EPHA5: variants seen among roughly 807,000 people sequenced by gnomAD.
The protein encoded by EPHA5 is EPH receptor A5, also known as ephrin type-A receptor 5.
In EPHA5, 60 loss-of-function variants were observed where a neutral mutation model predicts 105.0. The observed-to-expected ratio is 0.57, with a 90% CI of 0.46 to 0.71. The LOEUF is 0.71. EPHA5 is among the 30% of genes least tolerant of loss of function. EPHA5 has a pLI of 0.00. For missense variants in EPHA5, 1,218 were observed against 1,274.7 expected (o/e 0.96, Z 0.68); for synonymous variants, 513 against 449.1 (o/e 1.14, Z -1.80).
chr4:65,561,984 C>G (rs1207172016), intron 3 of EPHA5, among the ~76,000 whole-genome samples: 1 of 152,066 alleles, frequency 6.6e-6, no homozygotes, highest in Admixed American at 6.6e-5. Flanking sequence ...ATATTTGGAA[C>G]TAACCTGATA....
intron 3 of EPHA5, among the ~76,000 whole-genome samples, chr4:65,600,539 C>T (rs1042892561): frequency 5.9e-5 from 9 of 152,056 alleles, no homozygotes; most frequent in African/African-American, 2.2e-4. Context: ...AGTTTTGTTT[C>T]CCTGGATCGA....
chr4:65,338,756 C>T (rs1005005694), intron 14 of EPHA5, among the ~76,000 whole-genome samples: 9 of 151,598 alleles, frequency 5.9e-5, no homozygotes, highest in Non-Finnish European at 1.2e-4. Context: ...TAGAAGTTTC[C>T]TTTTTTTTCC....
chr4:65,570,264 G>C (rs1396246720), intron 3 of EPHA5, among the ~76,000 whole-genome samples: 2 of 151,832 alleles, frequency 1.3e-5, no homozygotes, highest in African/African-American at 2.4e-5. Flanking sequence ...TTATAATCCA[G>C]AAAGCTTTAA....
intron 5 of EPHA5, among the ~76,000 whole-genome samples, chr4:65,442,340 T>G (rs1204270146): frequency 6.6e-6 from 1 of 152,138 alleles, no homozygotes; most frequent in Non-Finnish European, 1.5e-5. Flanking sequence ...CATGTGAAAT[T>G]ATAGCAGAAG....
intron 8 of EPHA5, among the ~76,000 whole-genome samples, chr4:65,396,498 T>G (rs1054930082): frequency 1.3e-5 from 2 of 152,150 alleles, no homozygotes; most frequent in African/African-American, 4.8e-5. Flanking sequence ...TCATATAGTT[T>G]CAGAGAAGGG....
rs568793570 is a variant in EPHA5 at position 65,413,111 on chromosome 4, T to A, written c.1687+1173A>T. On this transcript the variant is annotated intron_variant, in intron 7 of 16. Coordinates refer to ENST00000613740, the MANE Select transcript of EPHA5 (RefSeq NM_001281766.3). ...AGTTTCAAGGTGCAGGATTAAACAA[T>A]CCATTACTAATATTACGAGAATTTT... 3.3e-5 allele frequency among the ~76,000 whole-genome samples: 5 copies of A among 152,214 alleles called. No individual in the cohort carries two copies. In the South Asian group the frequency reaches 1.0e-3, roughly 32 times the overall value.
At chr4:65,476,127 A>AGAGTGTGTGT (rs1425495059) in intron 5 of EPHA5, among the ~76,000 whole-genome samples, 47 of 119,188 alleles carry the variant, frequency 3.9e-4, no homozygotes, top group African/African-American at 1.4e-3. Flanking sequence ...AGAGAGAGAG[A>AGAGTGTGTGT]GTGTGTGTGT....
intron 12 of EPHA5, among the ~76,000 whole-genome samples, chr4:65,352,629 T>G (rs1192031301): frequency 1.3e-5 from 2 of 151,970 alleles, no homozygotes; most frequent in African/African-American, 2.4e-5. Flanking sequence ...ACACCTTTAT[T>G]AATGACTTGC....
intron 4 of EPHA5, among the ~76,000 whole-genome samples, chr4:65,494,443 T>C (rs747834318): frequency 6.6e-6 from 1 of 152,220 alleles, no homozygotes; most frequent in Non-Finnish European, 1.5e-5. Flanking sequence ...TTAAACAATA[T>C]GAGGAGAGAG....
intron 7 of EPHA5, 49 bp downstream of exon 7, chr4:65,414,235 C>T (rs1241040930): frequency 6.4e-7 from 1 of 1,571,430 alleles, no homozygotes; most frequent in Non-Finnish European, 8.7e-7. Context: ...TGACTCTTTT[C>T]TGGTAACCAT....
intron 8 of EPHA5, among the ~76,000 whole-genome samples, chr4:65,374,022 G>C (rs1233061762): frequency 6.6e-6 from 1 of 151,826 alleles, no homozygotes; most frequent in East Asian, 1.9e-4. Flanking sequence ...GAATATTTGA[G>C]GATAAAGGGT....
intron 1 of EPHA5, among the ~76,000 whole-genome samples, chr4:65,654,157 C>G (rs1748855615): frequency 6.6e-6 from 1 of 151,070 alleles, no homozygotes; most frequent in African/African-American, 2.4e-5. Flanking sequence ...ACACCATGAA[C>G]ATGAGAGTAA....
At chr4:65,664,887 C>T (rs1749836587) in intron 1 of EPHA5, among the ~76,000 whole-genome samples, 1 of 151,732 alleles carries the variant, frequency 6.6e-6, no homozygotes, top group Non-Finnish European at 1.5e-5. Context: ...AAATTCAAAC[C>T]TCAGTTAATT....
intron 11 of EPHA5, among the ~76,000 whole-genome samples, chr4:65,357,517 C>A (rs1487635198): frequency 1.3e-5 from 2 of 151,454 alleles, no homozygotes; most frequent in East Asian, 3.9e-4. Flanking sequence ...TTTACCTTTT[C>A]TCAATAAATA....
rs1412510082 is a variant in EPHA5, at chr4:65,495,468, T to C, written c.986A>G (p.His329Arg). ...CGKCPPHSYT[H>R]EEASTSCVCE... ...GACACAAGAGGTTGAAGCTTCCTCATGGGTATAACTGTGAGGTGGACATTT... is the reference window on the plus strand; with the variant it reads ...GACACAAGAGGTTGAAGCTTCCTCACGGGTATAACTGTGAGGTGGACATTT... The change falls in exon 4 of 17, where the codon CAT becomes CGT. Residue 329 changes from histidine (H) to arginine (R), a missense_variant. Around this residue, in one of 3 missense-constraint regions of EPHA5, gnomAD observed 971 missense variants for 1,013.5 expected, o/e 0.96. Transcript: ENST00000613740. 1.9e-6 allele frequency: 3 copies of C among 1,613,682 alleles called. No homozygotes were observed. The highest frequency in any genetic ancestry group is 2.5e-6 in the Non-Finnish European group (3 of 1,179,756).
At chr4:65,474,013 C>G (rs377505678) in intron 5 of EPHA5, among the ~76,000 whole-genome samples, 1 of 148,758 alleles carries the variant, frequency 6.7e-6, no homozygotes, top group East Asian at 2.0e-4. Flanking sequence ...CACACCGGGG[C>G]CTGTTGTGGG....
Position 65,336,092 on chromosome 4 carries a change from G to A in EPHA5, c.2629C>T (p.Pro877Ser), listed in dbSNP as rs1721154441. ...IKAVEEGYRL[P>S]SPMDCPAALY... ...GCAGCAGGACAATCCATGGGGCTTG[G>A]CAGACGATAGCCTTCCTCTACCGCT... is the stretch of plus-strand genomic sequence containing the variant. The change falls in exon 15 of 17, where the codon CCA (proline) becomes TCA (serine). Residue 877 changes from proline to serine, a missense_variant. Transcript: ENST00000613740. 1 of 1,611,596 alleles carries A rather than the reference G, an allele frequency of 6.2e-7. No individual in the cohort carries two copies. The highest frequency in any genetic ancestry group is 8.5e-7 in the Non-Finnish European group (1 of 1,178,784).
chr4:65,616,127 A>T (rs1362268670), intron 2 of EPHA5, among the ~76,000 whole-genome samples: 1 of 151,952 alleles, frequency 6.6e-6, no homozygotes, highest in African/African-American at 2.4e-5. Context: ...AACTATTGAT[A>T]AAAGAAGGAA....
intron 2 of EPHA5, among the ~76,000 whole-genome samples, chr4:65,614,640 G>A (rs1466791905): frequency 6.6e-6 from 1 of 151,712 alleles, no homozygotes; most frequent in Non-Finnish European, 1.5e-5. Context: ...CTAAATATAG[G>A]CTAATGCTTC....
Sources: gnomAD v4.1 joint callset for allele counts (sites outside exome capture counted in the v4.1 genomes callset) on GRCh38, gnomAD v4.1.1 for gene constraint, gnomAD v4.1.1 regional missense constraint, MANE v1.5 for transcripts, NCBI Gene and HGNC (gene_info 2026-07-23, HGNC 2026-07-21) for gene names.